MBD2: variants seen among roughly 807,000 people sequenced by gnomAD.
MBD2 encodes methyl-CpG binding domain protein 2.
In MBD2, 9 loss-of-function variants were observed where a neutral mutation model predicts 39.3. The ratio of observed to expected loss-of-function variants is 0.23; its 90% confidence interval spans 0.14 to 0.40. The LOEUF (loss-of-function observed/expected upper bound fraction) is 0.40. Among genes scored for constraint, MBD2 ranks in the 10% least tolerant of loss-of-function variants. The pLI is 1.00. For missense variants in MBD2, 458 were observed against 532.6 expected (o/e 0.86, Z 1.38); for synonymous variants, 233 against 211.1 (o/e 1.10, Z -0.90).
At chr18:54,171,809 G>A (rs1215750837) in intron 3 of MBD2, among the ~76,000 whole-genome samples, 1 of 152,212 alleles carries the variant, frequency 6.6e-6, no homozygotes, top group Admixed American at 6.5e-5. Flanking sequence ...GCATTTTGGA[G>A]AAGATATTAC....
intron 2 of MBD2, chr18:54,202,749 T>A (rs1289200360): frequency 1.4e-6 from 2 of 1,441,590 alleles, no homozygotes; most frequent in African/African-American, 1.4e-5. Flanking sequence ...ATGAGGTGGA[T>A]GGTAAATCAA....
At chr18:54,194,557 G>GTATATATATA (rs147119140) in intron 2 of MBD2, among the ~76,000 whole-genome samples, 24 of 148,782 alleles carry the variant, frequency 1.6e-4, no homozygotes, top group African/African-American at 5.7e-4. Flanking sequence ...GTGTGTGTGT[G>GTATATATATA]TATATATATA....
At chr18:54,212,778 C>G (rs1416334883) in intron 1 of MBD2, among the ~76,000 whole-genome samples, 3 of 151,978 alleles carry the variant, frequency 2.0e-5, no homozygotes, top group South Asian at 2.1e-4. Flanking sequence ...ACCTGTAATT[C>G]CAGTACTTTG....
rs1599069669 is a variant in MBD2 at position 54,153,483 on chromosome 18, T to G, written c.*1841A>C. 1.3e-5 allele frequency: 2 copies of G among 152,270 alleles called. No individual in the cohort carries two copies. The highest frequency in any genetic ancestry group is 3.9e-4 in the East Asian group (2 of 5,190). The allele number at this position is 152,270 out of a possible 1,614,324, so 9.4% of individuals were successfully genotyped here. A position where few individuals can be genotyped will look rare whatever the true frequency, so the allele number is the denominator to read the frequency against. The stretch of plus-strand genomic sequence containing the variant: ...CAAAAAAAAAAAAATCAGTTTTATA[T>G]GTGTATACATTGTGTTTTTGCTTTT... On this transcript the variant is annotated 3_prime_UTR_variant, in exon 7 of 7. Transcript: ENST00000256429.
intron 2 of MBD2, among the ~76,000 whole-genome samples, chr18:54,201,359 G>A (rs2086406259): frequency 6.6e-6 from 1 of 152,112 alleles, no homozygotes; most frequent in African/African-American, 2.4e-5. Flanking sequence ...AGATGGAGGT[G>A]GTGGTTGGAA....
chr18:54,171,269 C>T (rs976462758), intron 3 of MBD2, among the ~76,000 whole-genome samples: 1 of 151,896 alleles, frequency 6.6e-6, no homozygotes, highest in African/African-American at 2.4e-5. Flanking sequence ...GGCGTGGTGG[C>T]GCATGCCTGT....
intron 3 of MBD2, among the ~76,000 whole-genome samples, chr18:54,186,910 A>G (rs986957692): frequency 6.6e-6 from 1 of 152,220 alleles, no homozygotes; most frequent in Non-Finnish European, 1.5e-5. Context: ...CTTTGGACAC[A>G]TACCTTTCAT....
chr18:54,162,709 C>T (rs2086105755), intron 5 of MBD2, among the ~76,000 whole-genome samples: 1 of 152,186 alleles, frequency 6.6e-6, no homozygotes. Flanking sequence ...GAGTAATTTT[C>T]TTCCTCAAGG....
intron 6 of MBD2, 78 bp downstream of exon 6, chr18:54,159,687 G>C (rs9946304): frequency 0.26 from 391,521 of 1,515,872 alleles, 52,717 homozygotes; most frequent in East Asian, 0.35. Context: ...CAAGTGCTGG[G>C]ATTACAGGCA....
chr18:54,181,677 T>C (rs2086252805), intron 3 of MBD2, among the ~76,000 whole-genome samples: 1 of 152,104 alleles, frequency 6.6e-6, no homozygotes, highest in Admixed American at 6.5e-5. Context: ...TTTTTTTGTA[T>C]TTTTAGTAGA....
intron 2 of MBD2, among the ~76,000 whole-genome samples, chr18:54,189,535 C>CT (rs1334388350): frequency 6.6e-6 from 1 of 151,910 alleles, no homozygotes; most frequent in Non-Finnish European, 1.5e-5. Context: ...TTTTTGTATA[C>CT]TTTTAAGTGT....
chr18:54,159,890 G>A lies in MBD2; in HGVS notation c.1123C>T (p.Arg375Ter), dbSNP rs1470948670. ...AATTTCTTGCGTACTTGCTGTACTC[G>A]CTCTTCCTGTTTCCTTTTTAAAAAC... ...TDEDIRKQEE[R>*]VQQVRKKLEE... Residue 375 changes from arginine to a stop codon, truncating the protein, a stop_gained, in exon 6 of 7, where the codon CGA (arginine) becomes TGA (stop). Transcript: ENST00000256429. LOFTEE classifies it high-confidence loss of function. The A allele has an allele frequency of 1.2e-6, 2 of 1,612,002 alleles. No individual in the cohort carries two copies.
intron 2 of MBD2, among the ~76,000 whole-genome samples, chr18:54,203,773 C>T (rs775006853): frequency 2.0e-5 from 3 of 152,230 alleles, no homozygotes; most frequent in African/African-American, 2.4e-5. Flanking sequence ...CCAATGCAGG[C>T]CACCAGGCAA....
At position 54,224,427 on chromosome 18, in the gene MBD2, G is replaced by T; in HGVS notation, c.133C>A (p.Pro45Thr). 8.1e-7 allele frequency: 1 copy of T among 1,242,074 alleles called. No individual in the cohort carries two copies. The allele number at this position is 1,242,074 out of a possible 1,614,324, so 76.9% of individuals were successfully genotyped here. Residue 45 changes from proline (P) to threonine (T), a missense_variant, in exon 1 of 7, where the codon CCG (proline) becomes ACG (threonine). By Grantham distance (38) the Pro-to-Thr change is conservative. Around this residue, in one of 2 missense-constraint regions of MBD2, gnomAD observed 269 missense variants for 236.0 expected, o/e 1.14. Coordinates refer to ENST00000256429, the MANE Select transcript of MBD2 (RefSeq NM_003927.5). ...CCTTCCCTGCGCACGCCGCTCACCG[G>T]GGACGGGGCGAGCGCGCTGCCCTGG... ...GGQGSALAPS[P>T]VSGVRREGAR... is the part of the protein sequence containing the mutation.
Position 54,211,167 on chromosome 18 carries a change from G to C in MBD2, c.543-6010C>G, listed in dbSNP as rs574666578. ...ATTACAGACGTGAGCCACCGCGCCC[G>C]GCCAACTTTCTATTTTTTAAAATCT... On this transcript the variant is annotated intron_variant, in intron 1 of 6. Coordinates refer to ENST00000256429, the MANE Select transcript of MBD2 (RefSeq NM_003927.5). Among the ~76,000 whole-genome samples the C allele has an allele frequency of 2.6e-5, 4 of 151,954 alleles. No homozygotes were observed. In the South Asian group the frequency reaches 8.3e-4, roughly 32 times the overall value.
chr18:54,224,304 G>C lies in MBD2; in HGVS notation c.256C>G (p.Arg86Gly). Residue 86 changes from arginine (R) to glycine (G), a missense_variant, in exon 1 of 7, where the codon CGG becomes GGG. This residue lies in a region of MBD2 where 269 missense variants were observed against 236.0 expected (regional missense o/e 1.14). Coordinates refer to ENST00000256429, the MANE Select transcript of MBD2 (RefSeq NM_003927.5). The part of the protein sequence containing the change: ...RGRGRGRGRG[R>G]GRGRGRGRGR... ...CGGCCCCGGCCCCGGCCCCGTCCCC[G>C]TCCCCGGCCACGGCCCCGGCCCCGG... 3.1e-6 allele frequency: 3 copies of C among 955,042 alleles called. No homozygotes were observed. The highest frequency in any genetic ancestry group is 3.7e-6 in the Non-Finnish European group (3 of 804,034). The allele number at this position is 955,042 out of a possible 1,614,324, so 59.2% of individuals were successfully genotyped here.
intron 3 of MBD2, among the ~76,000 whole-genome samples, chr18:54,184,994 T>A (rs1268940075): frequency 1.3e-5 from 2 of 152,216 alleles, no homozygotes; most frequent in Admixed American, 1.3e-4. Flanking sequence ...AATGAGACTA[T>A]ACTAGAAATA....
intron 2 of MBD2, among the ~76,000 whole-genome samples, chr18:54,202,095 C>T (rs1163357257): frequency 6.6e-6 from 1 of 152,120 alleles, no homozygotes; most frequent in Non-Finnish European, 1.5e-5. Context: ...GTAATCCCAG[C>T]ACTTTGGGAG....
At chr18:54,162,218 G>T (rs1023643124) in intron 5 of MBD2, among the ~76,000 whole-genome samples, 1 of 152,152 alleles carries the variant, frequency 6.6e-6, no homozygotes, top group Non-Finnish European at 1.5e-5. Flanking sequence ...TAATAAATGG[G>T]TATTGTTTTA....
Sources: gnomAD v4.1 joint callset for allele counts (sites outside exome capture counted in the v4.1 genomes callset) on GRCh38, gnomAD v4.1.1 for gene constraint, gnomAD v4.1.1 regional missense constraint, MANE v1.5 for transcripts, NCBI Gene and HGNC (gene_info 2026-07-23, HGNC 2026-07-21) for gene names.